LRMDA: variants seen among roughly 807,000 people sequenced by gnomAD.
LRMDA encodes the protein leucine rich melanocyte differentiation associated, also known as leucine-rich melanocyte differentiation-associated protein.
LRMDA carries 18 observed loss-of-function variants against 29.8 expected under a neutral mutation model. The observed-to-expected ratio is 0.60, with a 90% CI of 0.42 to 0.90. LRMDA has a LOEUF of 0.90. LRMDA is among the 40% of genes least tolerant of loss of function. The probability of loss-of-function intolerance (pLI) is 0.00; values close to 1 mark genes in which losing one functional copy is unlikely to be tolerated. For missense variants in LRMDA, 273 were observed against 273.9 expected (o/e 1.00, Z 0.02); for synonymous variants, 125 against 109.4 (o/e 1.14, Z -0.89).
chr10:76,088,030 G>A (rs1008011764), intron 5 of LRMDA, among the ~76,000 whole-genome samples: 1 of 152,158 alleles, frequency 6.6e-6, no homozygotes, highest in Non-Finnish European at 1.5e-5. Flanking sequence ...TCAGGTGGGA[G>A]TATCACTTGA....
chr10:75,618,510 A>T (rs1841138208), intron 2 of LRMDA, among the ~76,000 whole-genome samples: 1 of 82,312 alleles, frequency 1.2e-5, no homozygotes, highest in East Asian at 2.9e-4. Context: ...AACCATATAT[A>T]TTATATATAT....
At chr10:75,522,775 C>A (rs1211421263) in intron 2 of LRMDA, among the ~76,000 whole-genome samples, 1 of 152,108 alleles carries the variant, frequency 6.6e-6, no homozygotes, top group African/African-American at 2.4e-5. Flanking sequence ...AATAAAAGGG[C>A]AGGTATGTGG....
chr10:75,621,423 C>T (rs900447097), intron 2 of LRMDA, among the ~76,000 whole-genome samples: 1 of 152,206 alleles, frequency 6.6e-6, no homozygotes, highest in Non-Finnish European at 1.5e-5. Context: ...AAGTCTCATG[C>T]AGTGCTCAGC....
In LRMDA at chr10:76,345,617, A is replaced by T. The variant is rs140940118; in HGVS notation, c.601+21132A>T. Among the ~76,000 whole-genome samples the T allele has an allele frequency of 1.7e-3, 252 of 152,056 alleles. 1 individual carries two copies. Among genetic ancestry groups the T allele is most frequent in the African/African-American group, 5.8e-3 (242 of 41,532 alleles). On this transcript the variant is annotated intron_variant, in intron 6 of 6. Coordinates refer to ENST00000611255, the MANE Select transcript of LRMDA (RefSeq NM_001305581.2). Reference sequence around the variant, plus strand: ...AAAAAACTCTGAAAGATGCATGATAATAGTGACAATTTATGGATGGGAAAC... The same window carrying T: ...AAAAAACTCTGAAAGATGCATGATATTAGTGACAATTTATGGATGGGAAAC...
At chr10:76,211,993 GTCACCAA>G (rs1851642598) in intron 5 of LRMDA, among the ~76,000 whole-genome samples, 4 of 152,104 alleles carry the variant, frequency 2.6e-5, no homozygotes, top group Admixed American at 2.6e-4. Flanking sequence ...CATCCTACAA[GTCACCAA>G]TGTGGGGGCA....
At chr10:75,920,912 T>G (rs992276688) in intron 2 of LRMDA, among the ~76,000 whole-genome samples, 4 of 152,188 alleles carry the variant, frequency 2.6e-5, no homozygotes, top group Non-Finnish European at 5.9e-5. Context: ...GGATGGGCCA[T>G]GTTGTTCCAC....
chr10:76,165,225 G>A (rs1384291454), intron 5 of LRMDA, among the ~76,000 whole-genome samples: 1 of 151,956 alleles, frequency 6.6e-6, no homozygotes, highest in Non-Finnish European at 1.5e-5. Flanking sequence ...CATCCGCCTC[G>A]GCCTCCCAAA....
At chr10:76,358,846 A>G (rs1344290225) in intron 6 of LRMDA, among the ~76,000 whole-genome samples, 3 of 152,238 alleles carry the variant, frequency 2.0e-5, no homozygotes, top group Non-Finnish European at 2.9e-5. Context: ...GTCTGGATGC[A>G]CATAGTAGGC....
intron 2 of LRMDA, among the ~76,000 whole-genome samples, chr10:75,877,343 T>C (rs1284324698): frequency 6.6e-6 from 1 of 152,208 alleles, no homozygotes; most frequent in Non-Finnish European, 1.5e-5. Context: ...CAGCAGTGAT[T>C]TAAGCATCCT....
intron 5 of LRMDA, among the ~76,000 whole-genome samples, chr10:76,180,738 GT>G (rs1163108768): frequency 2.0e-5 from 3 of 152,158 alleles, no homozygotes; most frequent in Non-Finnish European, 4.4e-5. Flanking sequence ...CCCTTTGCCT[GT>G]TGTGGCCTCT....
At chr10:75,791,433 G>A (rs1843563282) in intron 2 of LRMDA, among the ~76,000 whole-genome samples, 1 of 152,050 alleles carries the variant, frequency 6.6e-6, no homozygotes. Context: ...TTTTAATAAA[G>A]CCATTTATCA....
intron 2 of LRMDA, among the ~76,000 whole-genome samples, chr10:75,587,640 C>T (rs977252641): frequency 3.9e-5 from 6 of 152,340 alleles, no homozygotes; most frequent in South Asian, 4.1e-4. Flanking sequence ...CAGTTGATGA[C>T]GTACTGGTCA....
At chr10:75,680,409 A>G (rs772809837) in intron 2 of LRMDA, among the ~76,000 whole-genome samples, 6 of 152,158 alleles carry the variant, frequency 3.9e-5, no homozygotes, top group Admixed American at 1.3e-4. Context: ...ATTGTCTGGT[A>G]AATATGATTT....
chr10:76,501,551 T>TG (rs1842909550), intron 6 of LRMDA, among the ~76,000 whole-genome samples: 1 of 151,974 alleles, frequency 6.6e-6, no homozygotes, highest in Non-Finnish European at 1.5e-5. Context: ...GACTTTTTAA[T>TG]ATAGCAATTC....
chr10:76,526,993 TAAATAAA>T (rs1326549815), intron 6 of LRMDA, among the ~76,000 whole-genome samples: 1 of 85,386 alleles, frequency 1.2e-5, no homozygotes, highest in African/African-American at 4.8e-5. Context: ...AATAAATAAA[TAAATAAA>T]TAAATAAATA....
At chr10:75,667,511 G>C (rs1209039147) in intron 2 of LRMDA, among the ~76,000 whole-genome samples, 1 of 152,072 alleles carries the variant, frequency 6.6e-6, no homozygotes, top group Non-Finnish European at 1.5e-5. Flanking sequence ...TGTTGCCCAG[G>C]TTGGTCTCAA....
intron 2 of LRMDA, among the ~76,000 whole-genome samples, chr10:75,880,615 G>A (rs1387816962): frequency 6.6e-6 from 1 of 152,176 alleles, no homozygotes; most frequent in African/African-American, 2.4e-5. Context: ...GATTTTGTAA[G>A]TACACACTTT....
At chr10:75,541,261 A>G (rs762028887) in intron 2 of LRMDA, among the ~76,000 whole-genome samples, 4 of 152,154 alleles carry the variant, frequency 2.6e-5, no homozygotes, top group Non-Finnish European at 5.9e-5. Context: ...CTCCCTGCTG[A>G]ATTAATGTGC....
chr10:76,552,478 A>G (rs1015219137), intron 6 of LRMDA, among the ~76,000 whole-genome samples: 1 of 152,178 alleles, frequency 6.6e-6, no homozygotes, highest in Non-Finnish European at 1.5e-5. Flanking sequence ...GTCCAAATCA[A>G]TTTTTTTATT....
Sources: gnomAD v4.1 joint callset for allele counts (sites outside exome capture counted in the v4.1 genomes callset) on GRCh38, gnomAD v4.1.1 for gene constraint, MANE v1.5 for transcripts, NCBI Gene and HGNC (gene_info 2026-07-23, HGNC 2026-07-21) for gene names.